Variants in PACSIN3 observed in about 807,000 individuals in gnomAD.
PACSIN3 encodes protein kinase C and casein kinase substrate in neurons protein 3.
Under a neutral mutation model 56.1 loss-of-function variants are expected in PACSIN3, and 34 were observed. That is an observed-to-expected ratio of 0.61 (90% CI 0.46 to 0.81). PACSIN3 has a LOEUF of 0.81. Among genes scored for constraint, PACSIN3 ranks in the 30% least tolerant of loss-of-function variants. The pLI is 0.00. For synonymous variants in PACSIN3, 218 were observed against 229.8 expected (o/e 0.95, Z 0.46); for missense variants, 535 against 592.4 (o/e 0.90, Z 1.01).
rs902961228 is a variant in PACSIN3, at chr11:47,178,778, C to T, written c.1037+116G>A. Reference sequence around the variant, plus strand: ...ACAACTACTAAGTAGGCCCTCAGGTCCCTGGCACCAATTTTCAACCCATTT... The same window carrying T: ...ACAACTACTAAGTAGGCCCTCAGGTTCCTGGCACCAATTTTCAACCCATTT... On this transcript the variant is annotated intron_variant, in intron 9 of 10. Transcript: ENST00000298838. The surrounding 1 kb of genome is among the most constrained non-coding windows in gnomAD (Gnocchi z 4.2). The T allele has an allele frequency of 8.0e-7, 1 of 1,243,210 alleles. No individual in the cohort carries two copies. Among genetic ancestry groups the T allele is most frequent in the Non-Finnish European group, 1.1e-6 (1 of 891,330 alleles). The allele number at this position is 1,243,210 out of a possible 1,614,324, so 77.0% of individuals were successfully genotyped here.
intron 4 of PACSIN3, among the ~76,000 whole-genome samples, chr11:47,182,012 C>T (rs139680118): frequency 0.014 from 2,158 of 151,676 alleles, 47 homozygotes; most frequent in African/African-American, 0.05. Context: ...ATTAGCCAGG[C>T]GTGGTGGTGG....
rs772929606 is a variant in PACSIN3, at chr11:47,179,500, G to C, written c.690C>G (p.Thr230=). Residue 230 remains threonine (T), a synonymous_variant, in exon 7 of 11, where the codon ACC becomes ACG. Coordinates refer to ENST00000298838, the MANE Select transcript of PACSIN3 (RefSeq NM_016223.5). The surrounding 1 kb of genome is among the most constrained non-coding windows in gnomAD (Gnocchi z 4.4). ...YMEDMEQAFE[T]CQAAERQRLL... Reference sequence around the variant, plus strand: ...GCCGCTGGCGCTCGGCGGCCTGGCAGGTCTCAAAGGCCTGTTCCATGTCCT... The same window carrying C: ...GCCGCTGGCGCTCGGCGGCCTGGCACGTCTCAAAGGCCTGTTCCATGTCCT... 6.2e-7 allele frequency: 1 copy of C among 1,613,972 alleles called. No homozygotes were observed. The highest frequency in any genetic ancestry group is 8.5e-7 in the Non-Finnish European group (1 of 1,180,028).
chr11:47,178,472 C>T lies in PACSIN3; in HGVS notation c.1053G>A (p.Glu351=). ...GGGGACTCTCTTCATCTGACCACTC[C>T]TCATCCTGCCCCGTGCTGGAGAGGG... ...SPGSPGTGQD[E]EWSDEESPRK... The change falls in exon 10 of 11, where the codon GAG becomes GAA. Residue 351 remains glutamate, a synonymous_variant. Coordinates refer to ENST00000298838, the MANE Select transcript of PACSIN3 (RefSeq NM_016223.5). This position sits in a 1 kb window ranked among gnomAD's most constrained non-coding sequence, Gnocchi z 4.2. 2 of 1,613,780 alleles carry T rather than the reference C, an allele frequency of 1.2e-6. No individual in the cohort carries two copies. Among genetic ancestry groups the T allele is most frequent in the South Asian group, 2.2e-5 (2 of 91,082 alleles).
chr11:47,178,487 G>T lies in PACSIN3; in HGVS notation c.1038C>A (p.Gly346=). ...APPPQSPGSP[G]TGQDEEWSDE... is the part of the protein sequence containing the mutation. ...CTGACCACTCCTCATCCTGCCCCGT[G>T]CTGGAGAGGGGAGGCAAAGGGAGCA... Residue 346 remains glycine, a splice_region_variant and synonymous_variant, in exon 10 of 11, where the codon GGC becomes GGA. Transcript: ENST00000298838. This position sits in a 1 kb window ranked among gnomAD's most constrained non-coding sequence, Gnocchi z 4.2. The T allele has an allele frequency of 6.2e-7, 1 of 1,613,438 alleles. No homozygotes were observed. Among genetic ancestry groups the T allele is most frequent in the Non-Finnish European group, 8.5e-7 (1 of 1,179,858 alleles).
At position 47,177,572 on chromosome 11, in the gene PACSIN3, A is replaced by G; in HGVS notation, c.*359T>C. 3.4e-6 allele frequency: 1 copy of G among 291,372 alleles called. No individual in the cohort carries two copies. Among genetic ancestry groups the G allele is most frequent in the Non-Finnish European group, 6.5e-6 (1 of 153,982 alleles). 18.0% of individuals were successfully genotyped at this position (291,372 alleles called of 1,614,324 possible). A position where few individuals can be genotyped will look rare whatever the true frequency, so the allele number is the denominator to read the frequency against. ...TGTGTGTCAAGTTTTAATACACGCT[A>G]GAACAAGCCACAAGAGGGTGCTGCT... On this transcript the variant is annotated 3_prime_UTR_variant, in exon 11 of 11. Coordinates refer to ENST00000298838, the MANE Select transcript of PACSIN3 (RefSeq NM_016223.5).
At position 47,179,484 on chromosome 11, in the gene PACSIN3, G is replaced by T; in HGVS notation, c.706C>A (p.Arg236Ser). Residue 236 changes from arginine to serine, a missense_variant, in exon 7 of 11, where the codon CGC becomes AGC. By Grantham distance (110) the Arg-to-Ser change is moderately radical. Transcript: ENST00000298838. This position sits in a 1 kb window ranked among gnomAD's most constrained non-coding sequence, Gnocchi z 4.4. ...QAFETCQAAE[R>S]QRLLFFKDML... ...TCCTTGAAGAAAAGAAGCCGCTGGC[G>T]CTCGGCGGCCTGGCAGGTCTCAAAG... is the stretch of plus-strand genomic sequence containing the variant. 1 of 1,613,990 alleles carries T rather than the reference G, an allele frequency of 6.2e-7. No homozygotes were observed. The highest frequency in any genetic ancestry group is 1.1e-5 in the South Asian group (1 of 91,090).
chr11:47,180,900 T>C (rs968061531), intron 4 of PACSIN3, among the ~76,000 whole-genome samples: 1 of 152,208 alleles, frequency 6.6e-6, no homozygotes, highest in African/African-American at 2.4e-5. Flanking sequence ...GACAGCGACA[T>C]TGCCAACATT....
chr11:47,179,834 A>G lies in PACSIN3; in HGVS notation c.604-248T>C, dbSNP rs542731709. ...CAACCTACAGGAAAGGATGGGAGAA[A>G]TCAGAAAAGGCTTCCTGGAGGAGGT... On this transcript the variant is annotated intron_variant, in intron 6 of 10. Transcript: ENST00000298838. The surrounding 1 kb of genome is among the most constrained non-coding windows in gnomAD (Gnocchi z 4.4). 568 of 562,820 alleles carry G rather than the reference A, an allele frequency of 1.0e-3. 10 individuals carry two copies. In the South Asian group the frequency reaches 0.013, roughly 13 times the overall value. 34.9% of individuals were successfully genotyped at this position (562,820 alleles called of 1,614,324 possible). A position where few individuals can be genotyped will look rare whatever the true frequency, so the allele number is the denominator to read the frequency against.
Position 47,180,681 on chromosome 11 carries a change from T to C in PACSIN3, c.221A>G (p.Tyr74Cys). The change falls in exon 5 of 11, where the codon TAT becomes TGT. Residue 74 changes from tyrosine (Y) to cysteine (C), a missense_variant. Tyr to Cys is a radical substitution (Grantham distance 194). Transcript: ENST00000298838. The stretch of plus-strand genomic sequence containing the variant: ...ATGCCAGGCCTTCTCCAGTGTGCCA[T>C]ACTGGGGGCCTGCAGGGAGGGACAG... Reference protein sequence around the residue: ...WRGTVEKGPQYGTLEKAWHAF... With the variant: ...WRGTVEKGPQCGTLEKAWHAF... The C allele has an allele frequency of 6.3e-7, 1 of 1,597,148 alleles. No individual in the cohort carries two copies. Among genetic ancestry groups the C allele is most frequent in the South Asian group, 1.1e-5 (1 of 90,646 alleles).
At chr11:47,180,791 T>G (rs1214318752) in intron 4 of PACSIN3, 101 bp from the exon 5 acceptor site, 11 of 887,362 alleles carry the variant, frequency 1.2e-5, no homozygotes, top group Non-Finnish European at 1.9e-5. Context: ...GGTACGCGCA[T>G]GGGGTGCAAA....
At position 47,179,242 on chromosome 11, in the gene PACSIN3, C is replaced by T; in HGVS notation, c.817G>A (p.Glu273Lys). 1 of 1,614,068 alleles carries T rather than the reference C, an allele frequency of 6.2e-7. No individual in the cohort carries two copies. The highest frequency in any genetic ancestry group is 8.5e-7 in the Non-Finnish European group (1 of 1,180,028). ...AGATCCTCTTCGTCACTGGCTGCCT[C>T]AATGCCCTGGTGCAAGTCACGGTGG... ...ELHRDLHQGI[E>K]AASDEEDLRW... The change falls in exon 8 of 11, where the codon GAG (glutamate) becomes AAG (lysine). Residue 273 changes from glutamate (E) to lysine (K), a missense_variant. Coordinates refer to ENST00000298838, the MANE Select transcript of PACSIN3 (RefSeq NM_016223.5). The surrounding 1 kb of genome is among the most constrained non-coding windows in gnomAD (Gnocchi z 4.4).
In PACSIN3 at chr11:47,180,356, G is replaced by A; in HGVS notation, c.448-15C>T. 6.2e-7 allele frequency: 1 copy of A among 1,601,166 alleles called. No homozygotes were observed. The highest frequency in any genetic ancestry group is 8.5e-7 in the Non-Finnish European group (1 of 1,179,680). On this transcript the variant is annotated splice_polypyrimidine_tract_variant and intron_variant, in intron 5 of 10. Transcript: ENST00000298838. ...GAAGCCTCAACCTGGCATGCATGGAGACCACTCTGGACCCTGGATGCCACA... is the reference window on the plus strand; with the variant it reads ...GAAGCCTCAACCTGGCATGCATGGAAACCACTCTGGACCCTGGATGCCACA...
intron 1 of PACSIN3, among the ~76,000 whole-genome samples, chr11:47,184,770 A>G (rs1466717461): frequency 6.6e-6 from 1 of 152,178 alleles, no homozygotes; most frequent in East Asian, 1.9e-4. Flanking sequence ...AGCTGCTGCC[A>G]TGAATCACAG....
rs1219073287 is a variant in PACSIN3 at position 47,178,360 on chromosome 11, G to C, written c.1159+6C>G. 3.1e-6 allele frequency: 5 copies of C among 1,613,562 alleles called. No individual in the cohort carries two copies. The African/African-American group carries it at 6.7e-5, about 22-fold the overall frequency. Reference sequence around the variant, plus strand: ...GGCTGAAGCTAGGAAAGGGGTCCCAGGGTACCTGCTCGGAAGCTCAGCTCA... The same window carrying C: ...GGCTGAAGCTAGGAAAGGGGTCCCACGGTACCTGCTCGGAAGCTCAGCTCA... On this transcript the variant is annotated splice_donor_region_variant and intron_variant, in intron 10 of 10. Transcript: ENST00000298838. The surrounding 1 kb of genome is among the most constrained non-coding windows in gnomAD (Gnocchi z 4.2).
chr11:47,180,226 A>G lies in PACSIN3; in HGVS notation c.563T>C (p.Leu188Pro), dbSNP rs772927740. The change falls in exon 6 of 11, where the codon CTG becomes CCG. Residue 188 changes from leucine to proline, a missense_variant. Physicochemically the swap from Leu to Pro is moderately conservative, Grantham distance 98. Coordinates refer to ENST00000298838, the MANE Select transcript of PACSIN3 (RefSeq NM_016223.5). Reference sequence around the variant, plus strand: ...GGCACAGCGTTCCACCCGTTCCTGCAGTTTGCGCAGCTGCTCCTGGGAGAC... The same window carrying G: ...GGCACAGCGTTCCACCCGTTCCTGCGGTTTGCGCAGCTGCTCCTGGGAGAC... ...SAVSQEQLRK[L>P]QERVERCAKE... 13 of 1,603,806 alleles carry G rather than the reference A, an allele frequency of 8.1e-6. No individual in the cohort carries two copies. Among genetic ancestry groups the G allele is most frequent in the Non-Finnish European group, 1.1e-5 (13 of 1,179,938 alleles).
At chr11:47,181,511 C>T (rs901727964) in intron 4 of PACSIN3, among the ~76,000 whole-genome samples, 2 of 152,128 alleles carry the variant, frequency 1.3e-5, no homozygotes, top group Non-Finnish European at 2.9e-5. Flanking sequence ...ATAAAACAGG[C>T]CCAGGTGCGG....
rs369095922 is a variant in PACSIN3 at position 47,178,372 on chromosome 11, G to A, written c.1153C>T (p.Arg385Ter). Residue 385 changes from arginine to a stop codon, truncating the protein, a stop_gained, in exon 10 of 11, where the codon CGA becomes TGA. Coordinates refer to ENST00000298838, the MANE Select transcript of PACSIN3 (RefSeq NM_016223.5). LOFTEE classifies it high-confidence loss of function. The surrounding 1 kb of genome is among the most constrained non-coding windows in gnomAD (Gnocchi z 4.2). ...AGQEADELSF[R>*]AGEELLKMSE... ...GAAAGGGGTCCCAGGGTACCTGCTCGGAAGCTCAGCTCATCAGCTTCCTGG... is the reference window on the plus strand; with the variant it reads ...GAAAGGGGTCCCAGGGTACCTGCTCAGAAGCTCAGCTCATCAGCTTCCTGG... 8.7e-6 allele frequency: 14 copies of A among 1,613,960 alleles called. No homozygotes were observed. Among genetic ancestry groups the A allele is most frequent in the East Asian group, 4.5e-5 (2 of 44,884 alleles).
chr11:47,178,205 A>C lies in PACSIN3; in HGVS notation c.1160-159T>G, dbSNP rs1238754559. Among the ~76,000 whole-genome samples the C allele has an allele frequency of 6.6e-6, 1 of 152,218 alleles. No homozygotes were observed. Among genetic ancestry groups the C allele is most frequent in the Non-Finnish European group, 1.5e-5 (1 of 68,020 alleles). On this transcript the variant is annotated intron_variant, in intron 10 of 10. Coordinates refer to ENST00000298838, the MANE Select transcript of PACSIN3 (RefSeq NM_016223.5). The surrounding 1 kb of genome is among the most constrained non-coding windows in gnomAD (Gnocchi z 4.2). ...CAAGGTCAGCAAGCTGCCCCACCCC[A>C]GACCCTGAATGCAGCCACCAGGCAC...
chr11:47,179,546 C>T lies in PACSIN3; in HGVS notation c.644G>A (p.Arg215His), dbSNP rs569802805. 2.0e-5 allele frequency: 32 copies of T among 1,613,860 alleles called. No homozygotes were observed. The highest frequency in any genetic ancestry group is 3.3e-4 in the Middle Eastern group (2 of 6,060). The change falls in exon 7 of 11, where the codon CGC (arginine) becomes CAC (histidine). Residue 215 changes from arginine to histidine, a missense_variant. By Grantham distance (29) the Arg-to-His change is conservative (BLOSUM62 0). Coordinates refer to ENST00000298838, the MANE Select transcript of PACSIN3 (RefSeq NM_016223.5). This position sits in a 1 kb window ranked among gnomAD's most constrained non-coding sequence, Gnocchi z 4.4. ...QYEQTLAELH[R>H]YTPRYMEDME... The stretch of plus-strand genomic sequence containing the variant: ...GTCCTCCATGTAGCGTGGAGTGTAG[C>T]GATGCAGCTCTGCCAGCGTCTGCTC...
Sources: allele counts gnomAD v4.1 joint callset (sites outside exome capture counted in the v4.1 genomes callset), GRCh38; gene constraint gnomAD v4.1.1; non-coding constraint Gnocchi (gnomAD v3.1); transcripts MANE v1.5; gene names NCBI Gene and HGNC (gene_info 2026-07-23, HGNC 2026-07-21).